The following ACSL3 variants were observed in gnomAD, a reference collection of about 807,000 sequenced individuals.
The protein encoded by ACSL3 is fatty acid CoA ligase Acsl3.
Under a neutral mutation model 84.7 loss-of-function variants are expected in ACSL3, and 34 were observed. The observed-to-expected ratio is 0.40, with a 90% CI of 0.31 to 0.53. ACSL3 has a LOEUF of 0.53. Ranked by LOEUF, ACSL3 falls within the 20% of genes least tolerant of loss-of-function variation. The pLI is 0.48. For synonymous variants in ACSL3, 315 were observed against 299.4 expected (o/e 1.05, Z -0.54); for missense variants, 680 against 873.1 (o/e 0.78, Z 2.79).
In ACSL3 at chr2:222,901,838, G is replaced by A. The variant is rs578120218; in HGVS notation, c.-41+1058G>A. On this transcript the variant is annotated intron_variant, in intron 3 of 16. Transcript: ENST00000357430. ...AGCACGCCTGTAGTCTCAGCTACTC[G>A]GGAGGCTGAGGCAGGAGAATCACTT... is the stretch of plus-strand genomic sequence containing the variant. Among the ~76,000 whole-genome samples, 7 of 151,558 alleles carry A rather than the reference G, an allele frequency of 4.6e-5. No homozygotes were observed. The South Asian group carries it at 1.3e-3, about 27-fold the overall frequency.
At position 222,909,141 on chromosome 2, in the gene ACSL3, T is replaced by G. The variant is rs1559292144; in HGVS notation, c.369T>G (p.Ile123Met). 1 of 1,593,996 alleles carries G rather than the reference T, an allele frequency of 6.3e-7. No individual in the cohort carries two copies. ...ATGAAGTACAACCAAATGGAAAAAT[T>G]TTTAAAAAGGTAAGATGATCTTTCA... ...EEDEVQPNGK[I>M]FKKVILGQYN... Residue 123 changes from isoleucine to methionine, a missense_variant, in exon 4 of 17, where the codon ATT becomes ATG. Physicochemically the swap from Ile to Met is conservative, Grantham distance 10 (BLOSUM62 1). This residue lies in a region of ACSL3 where 333 missense variants were observed against 347.5 expected (regional missense o/e 0.96). Coordinates refer to ENST00000357430, the MANE Select transcript of ACSL3 (RefSeq NM_004457.5).
intron 4 of ACSL3, among the ~76,000 whole-genome samples, chr2:222,913,835 CAT>C (rs1460967080): frequency 3.3e-5 from 5 of 152,256 alleles, no homozygotes; most frequent in Admixed American, 6.5e-5. Flanking sequence ...TCCATATTCT[CAT>C]GTGTAAAATA....
chr2:222,879,556 A>G (rs994639100), intron 1 of ACSL3, among the ~76,000 whole-genome samples: 2 of 152,208 alleles, frequency 1.3e-5, no homozygotes, highest in Non-Finnish European at 2.9e-5. Flanking sequence ...AATTATACTC[A>G]TCCTGCATCT....
intron 1 of ACSL3, among the ~76,000 whole-genome samples, chr2:222,885,481 CAA>C (rs891680801): frequency 1.1e-4 from 16 of 152,082 alleles, no homozygotes; most frequent in Non-Finnish European, 1.2e-4. Flanking sequence ...AGGTAATAAA[CAA>C]TGTGGAATTT....
intron 16 of ACSL3, among the ~76,000 whole-genome samples, chr2:222,936,339 C>T (rs1168285605): frequency 6.6e-6 from 1 of 152,158 alleles, no homozygotes; most frequent in East Asian, 1.9e-4. Flanking sequence ...AAACTCCATA[C>T]TGTGTTCCTT....
intron 4 of ACSL3, among the ~76,000 whole-genome samples, chr2:222,912,325 T>C (rs1696465437): frequency 1.3e-5 from 2 of 152,204 alleles, no homozygotes; most frequent in Admixed American, 6.5e-5. Context: ...TTTTCCCCTC[T>C]CTTGGTTTCT....
At chr2:222,864,342 A>G (rs898799452) in intron 1 of ACSL3, among the ~76,000 whole-genome samples, 1 of 151,910 alleles carries the variant, frequency 6.6e-6, no homozygotes, top group African/African-American at 2.4e-5. Context: ...TGTAGAGGCA[A>G]GAGCTCAAAC....
At chr2:222,899,663 A>C (rs1696086346) in intron 2 of ACSL3, among the ~76,000 whole-genome samples, 1 of 152,148 alleles carries the variant, frequency 6.6e-6, no homozygotes, top group Admixed American at 6.5e-5. Flanking sequence ...CCATAGACAG[A>C]GTAGGATGCT....
At chr2:222,907,029 C>G (rs1696312062) in intron 3 of ACSL3, among the ~76,000 whole-genome samples, 1 of 152,188 alleles carries the variant, frequency 6.6e-6, no homozygotes, top group African/African-American at 2.4e-5. Context: ...GCTTCTCCAG[C>G]CTGTGCAGAA....
At chr2:222,894,123 A>C (rs1199119416) in intron 2 of ACSL3, among the ~76,000 whole-genome samples, 1 of 152,238 alleles carries the variant, frequency 6.6e-6, no homozygotes, top group South Asian at 2.1e-4. Context: ...TTATTTTAAC[A>C]TCCACTTCAT....
chr2:222,908,403 TAA>T (rs1367500186), intron 3 of ACSL3, among the ~76,000 whole-genome samples: 22 of 152,212 alleles, frequency 1.4e-4, no homozygotes, highest in Admixed American at 1.4e-3. Flanking sequence ...AGTGAGATGC[TAA>T]AGCACAGGAA....
chr2:222,923,122 G>A lies in ACSL3; in HGVS notation c.1125G>A (p.Leu375=), dbSNP rs1269370391. 6.2e-7 allele frequency: 1 copy of A among 1,613,766 alleles called. No individual in the cohort carries two copies. The highest frequency in any genetic ancestry group is 1.3e-5 in the African/African-American group (1 of 74,916). ...KKGSKGDTSM[L]KPTLMAAVPE... Reference sequence around the variant, plus strand: ...GAAGCAAAGGGGATACATCCATGTTGAAACCAACACTGATGGCAGCAGTTC... The same window carrying A: ...GAAGCAAAGGGGATACATCCATGTTAAAACCAACACTGATGGCAGCAGTTC... The change falls in exon 10 of 17, where the codon TTG becomes TTA. Residue 375 remains leucine (L), a synonymous_variant. Coordinates refer to ENST00000357430, the MANE Select transcript of ACSL3 (RefSeq NM_004457.5).
At chr2:222,893,953 C>G (rs1206908656) in intron 2 of ACSL3, among the ~76,000 whole-genome samples, 5 of 152,152 alleles carry the variant, frequency 3.3e-5, no homozygotes, top group Admixed American at 6.5e-5. Context: ...ACCTCAGCCT[C>G]CATTGTAGCT....
intron 16 of ACSL3, among the ~76,000 whole-genome samples, chr2:222,937,533 C>G (rs940668649): frequency 2.6e-5 from 4 of 152,104 alleles, no homozygotes; most frequent in African/African-American, 9.7e-5. Flanking sequence ...GGAGAATTGA[C>G]TCTTTTATCA....
chr2:222,887,983 A>G (rs1003490347), intron 2 of ACSL3, 95 bp downstream of exon 2: 4 of 152,196 alleles, frequency 2.6e-5, no homozygotes, highest in African/African-American at 9.6e-5. Context: ...TGACCAAAAA[A>G]TTGTAATTCT....
intron 5 of ACSL3, among the ~76,000 whole-genome samples, chr2:222,916,999 T>C (rs1190461400): frequency 2.6e-5 from 4 of 152,156 alleles, no homozygotes; most frequent in African/African-American, 9.7e-5. Context: ...GGTGCCAAAA[T>C]GTGACAGTAA....
In ACSL3 at chr2:222,918,167, A is replaced by G. The variant is rs1696635651; in HGVS notation, c.666+12A>G. 17 of 1,555,484 alleles carry G rather than the reference A, an allele frequency of 1.1e-5. No individual in the cohort carries two copies. Among genetic ancestry groups the G allele is most frequent in the Non-Finnish European group, 1.5e-5 (17 of 1,129,360 alleles). ...AAACAAAGTTGAAGGTGAGGACTCT[A>G]GTTACTTTCTAACTGTCTGATACTT... On this transcript the variant is annotated intron_variant, in intron 6 of 16. Transcript: ENST00000357430.
chr2:222,923,215 C>T (rs2106131160), intron 10 of ACSL3, 66 bp downstream of exon 10: 4 of 1,295,692 alleles, frequency 3.1e-6, no homozygotes, highest in Non-Finnish European at 4.5e-6. Context: ...AGCATTAGTG[C>T]TAGTGAAAAA....
At chr2:222,916,690 G>A (rs1057366831) in intron 5 of ACSL3, 194 bp downstream of exon 5, 68 of 520,558 alleles carry the variant, frequency 1.3e-4, no homozygotes, top group Middle Eastern at 5.3e-4. Flanking sequence ...ACCAATCAGT[G>A]TTGCAGTGAG....
Sources: allele counts gnomAD v4.1 joint callset (sites outside exome capture counted in the v4.1 genomes callset), GRCh38; gene constraint gnomAD v4.1.1; regional missense constraint gnomAD v4.1.1; transcripts MANE v1.5; gene names NCBI Gene and HGNC (gene_info 2026-07-23, HGNC 2026-07-21).